NFIB: variants seen among roughly 807,000 people sequenced by gnomAD.
The protein encoded by NFIB is nuclear factor I B, also known as nuclear factor 1 B-type.
In NFIB, 11 loss-of-function variants were observed where a neutral mutation model predicts 61.5. That is an observed-to-expected ratio of 0.18 (90% CI 0.11 to 0.30). The LOEUF (loss-of-function observed/expected upper bound fraction) is 0.30, where lower values mean the gene tolerates loss of function less well. NFIB is among the 10% of genes least tolerant of loss of function. The pLI is 1.00. For missense variants in NFIB, 471 were observed against 608.9 expected (o/e 0.77, Z 2.38); for synonymous variants, 260 against 216.5 (o/e 1.20, Z -1.76).
intron 10 of NFIB, among the ~76,000 whole-genome samples, chr9:14,105,376 T>C (rs1271765837): frequency 2.6e-5 from 4 of 152,236 alleles, no homozygotes; most frequent in Admixed American, 6.5e-5. Context: ...GCATTGAATT[T>C]CCTTTTAGTT....
At chr9:14,519,744 T>C in the NFIB span, among the ~76,000 whole-genome samples, 1 of 152,192 alleles carries the variant, frequency 6.6e-6, no homozygotes, top group South Asian at 2.1e-4. Context: ...AAGCAGATCC[T>C]GCTACTACCC....
At chr9:14,327,942 G>C (rs907675917) in intron 1 of NFIB, among the ~76,000 whole-genome samples, 2 of 152,184 alleles carry the variant, frequency 1.3e-5, no homozygotes, top group Non-Finnish European at 1.5e-5. Flanking sequence ...GAAGAGAGAA[G>C]GGAGCAGTGG....
chr9:14,135,711 C>T (rs1366583889), intron 6 of NFIB, among the ~76,000 whole-genome samples: 1 of 152,038 alleles, frequency 6.6e-6, no homozygotes, highest in Non-Finnish European at 1.5e-5. Context: ...TCTAAAATAA[C>T]ACTGGAAAAA....
At chr9:14,092,176 C>G (rs1192845589) in intron 10 of NFIB, among the ~76,000 whole-genome samples, 3 of 152,004 alleles carry the variant, frequency 2.0e-5, no homozygotes, top group Non-Finnish European at 4.4e-5. Flanking sequence ...GAAAAACTCA[C>G]CAAATTATGT....
the NFIB span, among the ~76,000 whole-genome samples, chr9:14,504,228 G>A: frequency 1.3e-5 from 2 of 152,096 alleles, no homozygotes; most frequent in African/African-American, 4.8e-5. Flanking sequence ...TGGTGACTAT[G>A]GCCTTATAGT....
intron 3 of NFIB, among the ~76,000 whole-genome samples, chr9:14,175,395 C>T (rs534816134): frequency 1.3e-5 from 2 of 151,978 alleles, no homozygotes; most frequent in South Asian, 2.1e-4. Flanking sequence ...AGAATGGTCT[C>T]GATCTCCTGA....
chr9:14,443,640 T>G, the NFIB span, among the ~76,000 whole-genome samples: 1 of 152,252 alleles, frequency 6.6e-6, no homozygotes, highest in African/African-American at 2.4e-5. Context: ...CTCTTCATCT[T>G]TACTTCCCAA....
At chr9:14,257,198 G>A (rs941792984) in intron 2 of NFIB, among the ~76,000 whole-genome samples, 6 of 152,188 alleles carry the variant, frequency 3.9e-5, no homozygotes, top group African/African-American at 9.6e-5. Context: ...ATGAGGGGAA[G>A]TACGAGGTTA....
At chr9:14,290,304 T>C (rs1314753731) in intron 2 of NFIB, among the ~76,000 whole-genome samples, 1 of 152,062 alleles carries the variant, frequency 6.6e-6, no homozygotes, top group Non-Finnish European at 1.5e-5. Flanking sequence ...CCAAATTTAA[T>C]ATTTTTCTCC....
At chr9:14,184,731 T>C (rs964485009) in intron 2 of NFIB, among the ~76,000 whole-genome samples, 1 of 152,174 alleles carries the variant, frequency 6.6e-6, no homozygotes, top group Non-Finnish European at 1.5e-5. Context: ...ATCATTTAAA[T>C]GTAAATCAAT....
Position 14,307,579 on chromosome 9 carries a change from C to A in NFIB, c.31-59G>T. 1 of 1,460,390 alleles carries A rather than the reference C, an allele frequency of 6.8e-7. No individual in the cohort carries two copies. The highest frequency in any genetic ancestry group is 9.1e-7 in the Non-Finnish European group (1 of 1,101,678). The allele number at this position is 1,460,390 out of a possible 1,614,324, so 90.5% of individuals were successfully genotyped here. A position where few individuals can be genotyped will look rare whatever the true frequency, so the allele number is the denominator to read the frequency against. On this transcript the variant is annotated intron_variant, in intron 1 of 10. Transcript: ENST00000380953. The surrounding 1 kb of genome is among the most constrained non-coding windows in gnomAD (Gnocchi z 5.3). ...CATAGTCAGTTTAATTTTAAAAGCT[C>A]AAAAAATAAGAAAAGAAGACCACAA...
intron 3 of NFIB, among the ~76,000 whole-genome samples, chr9:14,166,338 A>C (rs1349641199): frequency 1.3e-5 from 2 of 152,224 alleles, no homozygotes; most frequent in African/African-American, 2.4e-5. Context: ...ATGAGTAATA[A>C]AGAATATATT....
At chr9:14,419,420 T>A in the NFIB span, among the ~76,000 whole-genome samples, 1 of 151,864 alleles carries the variant, frequency 6.6e-6, no homozygotes, top group Non-Finnish European at 1.5e-5. Context: ...ACAGGATTAA[T>A]CCCTACCAAC....
At chr9:14,097,834 C>A (rs2035057607) in intron 10 of NFIB, among the ~76,000 whole-genome samples, 2 of 149,004 alleles carry the variant, frequency 1.3e-5, no homozygotes, top group African/African-American at 4.9e-5. Context: ...AAAATGAGAG[C>A]TATTACCCCC....
At chr9:14,108,405 TA>T (rs1044400432) in intron 10 of NFIB, among the ~76,000 whole-genome samples, 5 of 152,062 alleles carry the variant, frequency 3.3e-5, no homozygotes, top group African/African-American at 9.7e-5. Context: ...TATCTTAGTT[TA>T]AAAAAATCCT....
the NFIB span, among the ~76,000 whole-genome samples, chr9:14,442,209 G>A: frequency 5.2e-3 from 795 of 152,096 alleles, 10 homozygotes; most frequent in African/African-American, 0.018. Flanking sequence ...CTCCTACAAT[G>A]CTGGTTAGTG....
chr9:14,343,785 A>G (rs1369649511), intron 1 of NFIB, among the ~76,000 whole-genome samples: 1 of 141,804 alleles, frequency 7.1e-6, no homozygotes. Flanking sequence ...GAGAGTCCCA[A>G]GCAGTGCCAA....
At chr9:14,387,061 G>A (rs1274031526) in intron 1 of NFIB, among the ~76,000 whole-genome samples, 1 of 152,218 alleles carries the variant, frequency 6.6e-6, no homozygotes, top group Non-Finnish European at 1.5e-5. Context: ...CAAACTTTGG[G>A]AAATGGTGTG....
intron 2 of NFIB, among the ~76,000 whole-genome samples, chr9:14,283,127 C>T (rs2058488392): frequency 6.6e-6 from 1 of 152,294 alleles, no homozygotes; most frequent in South Asian, 2.1e-4. Flanking sequence ...CAGAGATTAA[C>T]ATTTAGCAAA....
Sources: allele counts gnomAD v4.1 joint callset (sites outside exome capture counted in the v4.1 genomes callset), GRCh38; gene constraint gnomAD v4.1.1; non-coding constraint Gnocchi (gnomAD v3.1); transcripts MANE v1.5; gene names NCBI Gene and HGNC (gene_info 2026-07-23, HGNC 2026-07-21).